ZNF407: variants seen among roughly 807,000 people sequenced by gnomAD.
ZNF407 encodes the protein zinc finger protein 407.
ZNF407 carries 17 observed loss-of-function variants against 131.2 expected under a neutral mutation model. The ratio of observed to expected loss-of-function variants is 0.13; its 90% CI spans 0.09 to 0.19. The LOEUF is 0.19. ZNF407 is among the 10% of genes least tolerant of loss of function. ZNF407 has a pLI of 1.00. For synonymous variants in ZNF407, 1,156 were observed against 1,062.0 expected (o/e 1.09, Z -1.72); for missense variants, 2,681 against 2,830.6 (o/e 0.95, Z 1.20).
intron 4 of ZNF407, among the ~76,000 whole-genome samples, chr18:74,876,497 T>C (rs1340985365): frequency 6.6e-6 from 1 of 152,220 alleles, no homozygotes; most frequent in African/African-American, 2.4e-5. Flanking sequence ...TTATTAAAGG[T>C]ATTGAAAGGT....
At chr18:74,810,473 TTCTTGG>T (rs1478607348) in intron 4 of ZNF407, among the ~76,000 whole-genome samples, 1 of 152,272 alleles carries the variant, frequency 6.6e-6, no homozygotes, top group South Asian at 2.1e-4. Context: ...TCATATCCTG[TTCTTGG>T]TCTTAAACTG....
rs575932180 is a variant in ZNF407 at position 74,758,184 on chromosome 18, T to TC, written c.4803-23243dup. On this transcript the variant is annotated intron_variant, in intron 3 of 8. Coordinates refer to ENST00000299687, the MANE Select transcript of ZNF407 (RefSeq NM_017757.3). ...ATTTACACGTGCTATTTTGTGTTTT[T>TC]CTACATGTCTTTATGCCTTTTTTGT... 2.1e-3 allele frequency among the ~76,000 whole-genome samples: 321 copies of TC among 152,320 alleles called. 2 individuals carry two copies. The highest frequency in any genetic ancestry group is 7.5e-3 in the African/African-American group (311 of 41,582).
intron 3 of ZNF407, among the ~76,000 whole-genome samples, chr18:74,708,429 T>C (rs1293127987): frequency 6.6e-6 from 1 of 152,252 alleles, no homozygotes; most frequent in Non-Finnish European, 1.5e-5. Flanking sequence ...CATAGTTCCT[T>C]GTATCCTCTG....
chr18:74,860,570 TAC>T (rs977766880), intron 4 of ZNF407, among the ~76,000 whole-genome samples: 5 of 151,698 alleles, frequency 3.3e-5, no homozygotes, highest in African/African-American at 1.2e-4. Context: ...ATAATATTTA[TAC>T]AGATACAATT....
intron 8 of ZNF407, among the ~76,000 whole-genome samples, chr18:74,941,578 C>T (rs1298843226): frequency 6.6e-6 from 1 of 152,154 alleles, no homozygotes; most frequent in Admixed American, 6.5e-5. Flanking sequence ...TATAGCATTT[C>T]AAGTATAAAT....
chr18:74,772,162 C>T (rs962560164), intron 3 of ZNF407, among the ~76,000 whole-genome samples: 18 of 152,186 alleles, frequency 1.2e-4, no homozygotes, highest in Admixed American at 9.2e-4. Context: ...GCCCCACTTT[C>T]GTCCTCTTTC....
chr18:74,993,259 T>C (rs1188960609), intron 8 of ZNF407, among the ~76,000 whole-genome samples: 1 of 152,220 alleles, frequency 6.6e-6, no homozygotes, highest in African/African-American at 2.4e-5. Context: ...ATAACTCTAG[T>C]GCCCATCAAC....
At chr18:74,774,476 C>T (rs1969426994) in intron 3 of ZNF407, among the ~76,000 whole-genome samples, 1 of 152,118 alleles carries the variant, frequency 6.6e-6, no homozygotes, top group Admixed American at 6.5e-5. Context: ...AACAAATAGT[C>T]AAGTTTAGCA....
intron 2 of ZNF407, among the ~76,000 whole-genome samples, chr18:74,637,434 A>T (rs907408045): frequency 2.0e-5 from 3 of 152,184 alleles, no homozygotes; most frequent in African/African-American, 7.2e-5. Flanking sequence ...TCAATATGTG[A>T]CAAAGTAACC....
intron 4 of ZNF407, among the ~76,000 whole-genome samples, chr18:74,836,858 A>G (rs1970566445): frequency 6.6e-6 from 1 of 152,200 alleles, no homozygotes; most frequent in Non-Finnish European, 1.5e-5. Context: ...GCTCAGAGCC[A>G]CAGAGCTAGT....
intron 3 of ZNF407, among the ~76,000 whole-genome samples, chr18:74,709,335 A>G (rs1045528313): frequency 1.8e-4 from 28 of 152,316 alleles, no homozygotes; most frequent in African/African-American, 6.0e-4. Context: ...ACTTATCTCT[A>G]TTATGTGTAT....
At chr18:74,658,811 A>G (rs1985590341) in intron 3 of ZNF407, among the ~76,000 whole-genome samples, 1 of 152,200 alleles carries the variant, frequency 6.6e-6, no homozygotes, top group African/African-American at 2.4e-5. Context: ...AACCAAGTAG[A>G]CATTTATTCA....
At chr18:74,946,621 A>T (rs1449968811) in intron 8 of ZNF407, among the ~76,000 whole-genome samples, 1 of 152,234 alleles carries the variant, frequency 6.6e-6, no homozygotes, top group Admixed American at 6.5e-5. Context: ...ATATTTTAGA[A>T]CAATTTATAT....
intron 4 of ZNF407, among the ~76,000 whole-genome samples, chr18:74,835,444 G>T (rs976162820): frequency 1.3e-5 from 2 of 152,206 alleles, no homozygotes; most frequent in African/African-American, 4.8e-5. Context: ...TGAGATGGAT[G>T]TGTAATGTGT....
chr18:74,954,068 A>C (rs114248122), intron 8 of ZNF407, among the ~76,000 whole-genome samples: 1 of 152,240 alleles, frequency 6.6e-6, no homozygotes, highest in South Asian at 2.1e-4. Flanking sequence ...TGGTACCTCA[A>C]TTGACTTAAT....
intron 1 of ZNF407, among the ~76,000 whole-genome samples, chr18:74,610,143 C>A (rs1244317099): frequency 6.6e-6 from 1 of 152,132 alleles, no homozygotes; most frequent in African/African-American, 2.4e-5. Context: ...AATACACAAG[C>A]CACTCATAAA....
intron 1 of ZNF407, among the ~76,000 whole-genome samples, chr18:74,619,558 T>C (rs1279878301): frequency 6.6e-6 from 1 of 152,234 alleles, no homozygotes; most frequent in African/African-American, 2.4e-5. Context: ...GGCTGCTTTA[T>C]AAATTCTTGA....
intron 4 of ZNF407, among the ~76,000 whole-genome samples, chr18:74,807,963 C>G (rs370893411): frequency 1.3e-5 from 2 of 152,108 alleles, no homozygotes; most frequent in East Asian, 3.9e-4. Context: ...AAGCGATCCC[C>G]CACCTCAGCT....
At chr18:74,640,002 A>G (rs971865164) in intron 2 of ZNF407, among the ~76,000 whole-genome samples, 2 of 152,074 alleles carry the variant, frequency 1.3e-5, no homozygotes, top group Admixed American at 6.6e-5. Context: ...CTATCTAACT[A>G]TAGTAGAGGG....
Sources: allele counts gnomAD v4.1 joint callset (sites outside exome capture counted in the v4.1 genomes callset), GRCh38; gene constraint gnomAD v4.1.1; transcripts MANE v1.5; gene names NCBI Gene and HGNC (gene_info 2026-07-23, HGNC 2026-07-21).